SHLD1: variants seen among roughly 807,000 people sequenced by gnomAD.
SHLD1 encodes the protein shieldin complex subunit 1.
In SHLD1, 3 loss-of-function variants were observed where a neutral mutation model predicts 5.5. The ratio of observed to expected loss-of-function variants is 0.54; its 90% CI spans 0.25 to 1.40. The LOEUF (loss-of-function observed/expected upper bound fraction) is 1.40. SHLD1 is among the 40% of genes most tolerant of loss of function. The pLI, the probability that SHLD1 is intolerant of heterozygous loss-of-function variation, is 0.15. For missense variants in SHLD1, 210 were observed against 244.4 expected (o/e 0.86, Z 0.94); for synonymous variants, 92 against 94.3 (o/e 0.98, Z 0.14).
chr20:5,807,965 A>G (rs2087403474), intron 2 of SHLD1, among the ~76,000 whole-genome samples: 1 of 152,214 alleles, frequency 6.6e-6, no homozygotes, highest in South Asian at 2.1e-4. Flanking sequence ...CGTTATAAAA[A>G]TAAACAGTAC....
intron 2 of SHLD1, among the ~76,000 whole-genome samples, chr20:5,782,551 A>G (rs1182347074): frequency 6.6e-6 from 1 of 152,226 alleles, no homozygotes; most frequent in African/African-American, 2.4e-5. Flanking sequence ...AATTGGTTGC[A>G]TGTAGACAGC....
At chr20:5,811,453 C>T (rs1206053757) in intron 2 of SHLD1, among the ~76,000 whole-genome samples, 6 of 152,110 alleles carry the variant, frequency 3.9e-5, no homozygotes, top group African/African-American at 1.4e-4. Context: ...TTTTAATTCC[C>T]TTCTCTTCCA....
chr20:5,797,683 G>A (rs148086114), intron 2 of SHLD1, among the ~76,000 whole-genome samples: 1 of 152,284 alleles, frequency 6.6e-6, no homozygotes, highest in East Asian at 1.9e-4. Flanking sequence ...ATGTAAAATT[G>A]TATGTTTAGT....
In SHLD1 at chr20:5,773,014, C is replaced by G. The variant is rs781642628; in HGVS notation, c.149C>G (p.Ser50Cys). The change falls in exon 2 of 3, where the codon TCT (serine) becomes TGT (cysteine). Residue 50 changes from serine (S) to cysteine (C), a missense_variant. Ser to Cys is a moderately radical substitution (Grantham distance 112). Transcript: ENST00000303142. Reference sequence around the variant, plus strand: ...GCTTTCAGTTCTTTGGAATTCCATTCTTTTCCTTATTCTTCTGATGTGGAT... The same window carrying G: ...GCTTTCAGTTCTTTGGAATTCCATTGTTTTCCTTATTCTTCTGATGTGGAT... The part of the protein sequence containing the change: ...SEAFSSLEFH[S>C]FPYSSDVDPD... 1.2e-6 allele frequency: 2 copies of G among 1,614,120 alleles called. No homozygotes were observed. The highest frequency in any genetic ancestry group is 1.7e-5 in the Admixed American group (1 of 59,994).
rs114234986 is a variant in SHLD1, at chr20:5,838,873, T to C, written c.179-24151T>C. Among the ~76,000 whole-genome samples, 388 of 152,356 alleles carry C rather than the reference T, an allele frequency of 2.5e-3. 3 individuals carry two copies. Among genetic ancestry groups the C allele is most frequent in the African/African-American group, 8.8e-3 (366 of 41,580 alleles). Reference sequence around the variant, plus strand: ...TAGTTTGATGTGCATTTGATTAATATTAAATTTTGTCCAGCATGTGGCTGA... The same window carrying C: ...TAGTTTGATGTGCATTTGATTAATACTAAATTTTGTCCAGCATGTGGCTGA... On this transcript the variant is annotated intron_variant, in intron 2 of 2. Transcript: ENST00000303142.
At chr20:5,750,508 T>TGGGGGGGGGG (rs1600076697) in intron 1 of SHLD1, 29 bp downstream of exon 1, 1 of 23,278 alleles carries the variant, frequency 4.3e-5, no homozygotes, top group Admixed American at 5.4e-4. Context: ...GGGGGGGGGT[T>TGGGGGGGGGG]GGAGTGGTGG....
intron 2 of SHLD1, among the ~76,000 whole-genome samples, chr20:5,779,117 A>T (rs1231432385): frequency 2.0e-5 from 3 of 151,750 alleles, no homozygotes; most frequent in Admixed American, 1.3e-4. Flanking sequence ...CATGAGAATC[A>T]CTTGAACCTG....
At chr20:5,784,596 G>A (rs892487043) in intron 2 of SHLD1, among the ~76,000 whole-genome samples, 19 of 151,756 alleles carry the variant, frequency 1.3e-4, no homozygotes, top group South Asian at 2.1e-4. Context: ...GACTACAGGC[G>A]CCCGCCACCA....
intron 2 of SHLD1, among the ~76,000 whole-genome samples, chr20:5,777,252 G>A (rs1021286066): frequency 6.6e-5 from 10 of 152,096 alleles, no homozygotes; most frequent in Non-Finnish European, 1.5e-4. Context: ...GCCTCCCAAA[G>A]TGTTGGGATT....
chr20:5,814,918 G>A (rs1051579113), intron 2 of SHLD1, among the ~76,000 whole-genome samples: 1 of 151,958 alleles, frequency 6.6e-6, no homozygotes, highest in African/African-American at 2.4e-5. Flanking sequence ...CTCCCAAATT[G>A]CTGGGATTAC....
chr20:5,757,662 G>T (rs544566207), intron 1 of SHLD1, among the ~76,000 whole-genome samples: 1 of 152,216 alleles, frequency 6.6e-6, no homozygotes, highest in East Asian at 1.9e-4. Flanking sequence ...GAGTGCAGTG[G>T]CACCAACTCT....
intron 2 of SHLD1, among the ~76,000 whole-genome samples, chr20:5,786,229 C>T (rs187113299): frequency 8.7e-4 from 133 of 152,250 alleles, no homozygotes; most frequent in African/African-American, 3.1e-3. Flanking sequence ...GCCATAGAAC[C>T]TAAAAATATT....
At chr20:5,853,842 CTT>C (rs753008247) in intron 2 of SHLD1, among the ~76,000 whole-genome samples, 26 of 141,876 alleles carry the variant, frequency 1.8e-4, no homozygotes, top group South Asian at 2.3e-4. Flanking sequence ...TCCACGTCTA[CTT>C]TTTTTTTTTT....
chr20:5,802,423 C>T (rs922705406), intron 2 of SHLD1, among the ~76,000 whole-genome samples: 7 of 152,086 alleles, frequency 4.6e-5, no homozygotes, highest in African/African-American at 1.7e-4. Context: ...TCCTTCTGGG[C>T]CACACTTTCC....
At chr20:5,761,496 AG>A (rs1984463515) in intron 1 of SHLD1, among the ~76,000 whole-genome samples, 1 of 151,960 alleles carries the variant, frequency 6.6e-6, no homozygotes, top group Non-Finnish European at 1.5e-5. Context: ...AACTAGAGGC[AG>A]GCTGAGAAGA....
chr20:5,801,738 G>A (rs1453240387), intron 2 of SHLD1, among the ~76,000 whole-genome samples: 1 of 152,174 alleles, frequency 6.6e-6, no homozygotes, highest in Non-Finnish European at 1.5e-5. Context: ...ACAAAAGACA[G>A]AGTAATTTAT....
chr20:5,817,432 C>CTCTCTCTCTCTCTCTCTCTCTGTG (rs1473391202), intron 2 of SHLD1, among the ~76,000 whole-genome samples: 1 of 85,666 alleles, frequency 1.2e-5, no homozygotes, highest in Non-Finnish European at 2.1e-5. Context: ...CTCTCTCTCT[C>CTCTCTCTCTCTCTCTCTCTCTGTG]TGTGTGTGTG....
chr20:5,756,721 CA>C (rs1406269792), intron 1 of SHLD1: 1 of 165,046 alleles, frequency 6.1e-6, no homozygotes, highest in Non-Finnish European at 1.2e-5. Flanking sequence ...GATGGAGTCT[CA>C]CTCTTGTAGC....
At chr20:5,835,777 G>T (rs957698993) in intron 2 of SHLD1, among the ~76,000 whole-genome samples, 1 of 152,228 alleles carries the variant, frequency 6.6e-6, no homozygotes, top group African/African-American at 2.4e-5. Context: ...TAACCATTTG[G>T]TATCTAGCTG....
Sources: allele counts gnomAD v4.1 joint callset (sites outside exome capture counted in the v4.1 genomes callset), GRCh38; gene constraint gnomAD v4.1.1; transcripts MANE v1.5; gene names NCBI Gene and HGNC (gene_info 2026-07-23, HGNC 2026-07-21).